The following USH2A variants were observed in gnomAD, a reference collection of about 807,000 sequenced individuals.
The protein encoded by USH2A is usherin, also known as Usher syndrome 2A (autosomal recessive, mild).
Under a neutral mutation model 538.9 loss-of-function variants are expected in USH2A, and 443 were observed. The observed-to-expected ratio is 0.82, with a 90% CI of 0.76 to 0.89. The LOEUF is 0.89. Ranked by LOEUF, USH2A falls within the 40% of genes least tolerant of loss-of-function variation. The pLI is 0.00. For synonymous variants in USH2A, 2,413 were observed against 2,273.5 expected (o/e 1.06, Z -1.75); for missense variants, 6,633 against 6,324.8 (o/e 1.05, Z -1.65).
Position 215,640,744 on chromosome 1 carries a change from G to A in USH2A, c.14792-10C>T, listed in dbSNP as rs750691897. ...GCTCGGTACTGAGGCACTGTGGGGA[G>A]AAAGTTGTATGTTCTAAAAAGGGTA... On this transcript the variant is annotated splice_polypyrimidine_tract_variant and intron_variant, in intron 67 of 71. Coordinates refer to ENST00000307340, the MANE Select transcript of USH2A (RefSeq NM_206933.4). 1.3e-6 allele frequency: 2 copies of A among 1,547,794 alleles called. No homozygotes were observed. Among genetic ancestry groups the A allele is most frequent in the Non-Finnish European group, 1.8e-6 (2 of 1,141,222 alleles).
intron 21 of USH2A, among the ~76,000 whole-genome samples, chr1:216,150,042 T>C (rs1283801304): frequency 6.6e-6 from 1 of 152,182 alleles, no homozygotes; most frequent in Non-Finnish European, 1.5e-5. Context: ...CTATTAGGTC[T>C]GTTCGTCCTT....
intron 7 of USH2A, 103 bp downstream of exon 7, chr1:216,324,065 T>C: frequency 7.9e-7 from 1 of 1,267,558 alleles, no homozygotes. Flanking sequence ...CTCAAGGAAG[T>C]TGGTGGTGAA....
At chr1:215,759,592 A>G (rs1042624399) in intron 57 of USH2A, 68 bp downstream of exon 57, 8 of 1,594,786 alleles carry the variant, frequency 5.0e-6, no homozygotes, top group Non-Finnish European at 6.9e-6. Context: ...TGGGACATGC[A>G]TTTCTTATCA....
chr1:216,136,984 T>C (rs950503979), intron 21 of USH2A, among the ~76,000 whole-genome samples: 1 of 152,208 alleles, frequency 6.6e-6, no homozygotes, highest in African/African-American at 2.4e-5. Context: ...GATGCAGTCA[T>C]GCCAGAGAGA....
At chr1:215,888,377 A>T (rs941348614) in intron 41 of USH2A, 49 bp downstream of exon 41, 1 of 1,609,158 alleles carries the variant, frequency 6.2e-7, no homozygotes, top group East Asian at 2.2e-5. Context: ...GAGTCAATCC[A>T]GGGTACATTC....
intron 49 of USH2A, among the ~76,000 whole-genome samples, chr1:215,808,736 A>G (rs1225844865): frequency 6.6e-5 from 10 of 152,084 alleles, no homozygotes; most frequent in African/African-American, 2.4e-4. Context: ...CTTGGCACTT[A>G]TCAATACTTT....
chr1:215,703,216 C>T (rs550321955), intron 61 of USH2A, among the ~76,000 whole-genome samples: 8 of 152,270 alleles, frequency 5.3e-5, no homozygotes, highest in African/African-American at 1.7e-4. Flanking sequence ...TGCCGGATGC[C>T]AGCTGGAGCT....
At chr1:215,896,808 G>A (rs747111852) in intron 40 of USH2A, among the ~76,000 whole-genome samples, 8 of 152,110 alleles carry the variant, frequency 5.3e-5, no homozygotes, top group Non-Finnish European at 1.2e-4. Context: ...GCAAGCTGTG[G>A]ACATGCCAGG....
intron 35 of USH2A, among the ~76,000 whole-genome samples, chr1:215,989,355 C>T (rs1411165148): frequency 6.6e-6 from 1 of 152,072 alleles, no homozygotes; most frequent in Non-Finnish European, 1.5e-5. Context: ...ATGACATGTC[C>T]ACATCTCATA....
Position 216,327,639 on chromosome 1 carries a change from A to G in USH2A, c.800T>C (p.Val267Ala), listed in dbSNP as rs1047582820. 4 of 1,613,098 alleles carry G rather than the reference A, an allele frequency of 2.5e-6. No individual in the cohort carries two copies. The African/African-American group carries it at 5.3e-5, about 22-fold the overall frequency. Residue 267 changes from valine (V) to alanine (A), a missense_variant, in exon 5 of 72, where the codon GTC becomes GCC. Physicochemically the swap from Val to Ala is moderately conservative, Grantham distance 64. Transcript: ENST00000307340. ...GQSLNGLEQF[V>A]GRMQDFRLYQ... ...TAATCGAAAATCTTGCATTCTTCCG[A>G]CAAACTGCTCTAAACCTGCAAATAC...
At chr1:215,990,086 T>C (rs78805096) in intron 35 of USH2A, among the ~76,000 whole-genome samples, 1,785 of 152,254 alleles carry the variant, frequency 0.012, 41 homozygotes, top group African/African-American at 0.041. Context: ...ATTCTCCAAT[T>C]GTATTTCTCT....
Position 216,243,938 on chromosome 1 carries a change from T to C in USH2A, c.2809+2647A>G, listed in dbSNP as rs376606063. On this transcript the variant is annotated intron_variant, in intron 13 of 71. Transcript: ENST00000307340. ...GATCTGTATTATTATTTCTTGAACA[T>C]AAACCTCTCTTCAAGGTCATATAAT... Among the ~76,000 whole-genome samples, 16 of 152,324 alleles carry C rather than the reference T, an allele frequency of 1.1e-4. 1 individual carries two copies. Among genetic ancestry groups the C allele is most frequent in the Admixed American group, 3.9e-4 (6 of 15,292 alleles).
chr1:215,698,003 G>T (rs145146293), intron 61 of USH2A, among the ~76,000 whole-genome samples: 4,279 of 152,146 alleles, frequency 0.028, 296 homozygotes, highest in East Asian at 0.26. Flanking sequence ...ACAGGCCCCA[G>T]TGTGTGATGT....
At chr1:215,895,044 TTCACTC>T (rs1665295461) in intron 40 of USH2A, among the ~76,000 whole-genome samples, 1 of 152,218 alleles carries the variant, frequency 6.6e-6, no homozygotes, top group Admixed American at 6.5e-5. Context: ...ACTCAGCTCT[TTCACTC>T]TAACTATGGT....
At chr1:216,060,240 T>C (rs2031129992) in intron 30 of USH2A, among the ~76,000 whole-genome samples, 5 of 152,206 alleles carry the variant, frequency 3.3e-5, no homozygotes, top group Admixed American at 3.3e-4. Flanking sequence ...AGCCCAGATG[T>C]ACAGAATCAT....
In USH2A at chr1:215,790,206, T is replaced by C. The variant is rs1298852084; in HGVS notation, c.10035A>G (p.Lys3345=). Residue 3345 remains lysine (K), a synonymous_variant, in exon 51 of 72, where the codon AAA becomes AAG. Coordinates refer to ENST00000307340, the MANE Select transcript of USH2A (RefSeq NM_206933.4). ...CCGGGTCATTCTTTTTAATATGTGC[T>C]TTAGACTCTCCACTGGAAGCTGAGC... is the stretch of plus-strand genomic sequence containing the variant. ...ICCSASSGES[K]AHIKKNDPVP... is the part of the protein sequence containing the mutation. 2 of 1,613,960 alleles carry C rather than the reference T, an allele frequency of 1.2e-6. No individual in the cohort carries two copies. Among genetic ancestry groups the C allele is most frequent in the Admixed American group, 3.3e-5 (2 of 59,986 alleles).
intron 3 of USH2A, among the ~76,000 whole-genome samples, chr1:216,390,587 T>C (rs968812879): frequency 6.6e-6 from 1 of 152,170 alleles, no homozygotes; most frequent in Non-Finnish European, 1.5e-5. Flanking sequence ...ATTTAAATTA[T>C]AATCATCTTA....
At chr1:215,786,906 G>A (rs775664477) in intron 51 of USH2A, 32 bp from the exon 52 acceptor site, 42 of 1,602,640 alleles carry the variant, frequency 2.6e-5, no homozygotes, top group Non-Finnish European at 3.6e-5. Flanking sequence ...AGAGAGAGAG[G>A]GGTATTTAAA....
At chr1:216,153,514 C>T (rs1052151613) in intron 21 of USH2A, among the ~76,000 whole-genome samples, 1 of 152,204 alleles carries the variant, frequency 6.6e-6, no homozygotes, top group Non-Finnish European at 1.5e-5. Context: ...TATGATCCAA[C>T]AGAGATCCAG....
Sources: allele counts gnomAD v4.1 joint callset (sites outside exome capture counted in the v4.1 genomes callset), GRCh38; gene constraint gnomAD v4.1.1; transcripts MANE v1.5; gene names NCBI Gene and HGNC (gene_info 2026-07-23, HGNC 2026-07-21).